Variants in DOCK1 observed in about 807,000 individuals in gnomAD.
The protein encoded by DOCK1 is dedicator of cytokinesis protein 1.
Under a neutral mutation model 262.7 loss-of-function variants are expected in DOCK1, and 138 were observed. That is an observed-to-expected ratio of 0.53 (90% CI 0.46 to 0.61). The LOEUF is 0.61. DOCK1 is among the 20% of genes least tolerant of loss of function. The probability of loss-of-function intolerance (pLI) is 0.00; values close to 1 mark genes in which losing one functional copy is unlikely to be tolerated. For synonymous variants in DOCK1, 866 were observed against 867.4 expected, an observed-to-expected ratio of 1.00 and a Z score of 0.03; for missense variants, 1,908 against 2,370.7, an observed-to-expected ratio of 0.80 and a Z score of 4.05.
rs112421700 is a variant in DOCK1 at position 127,009,438 on chromosome 10, G to A, written c.1058+634G>A. On this transcript the variant is annotated intron_variant, in intron 11 of 51. Transcript: ENST00000623213. The stretch of plus-strand genomic sequence containing the variant: ...CAGGGAACTGGTGGGAAGAACTGGC[G>A]TTTATTTCCCTCGTGTGGAAGCAAG... 9.6e-4 allele frequency among the ~76,000 whole-genome samples: 146 copies of A among 152,236 alleles called. 2 individuals are homozygous for A. The highest frequency in any genetic ancestry group is 3.4e-3 in the Middle Eastern group (1 of 294).
chr10:127,356,550 TG>T (rs2064153395), intron 32 of DOCK1, among the ~76,000 whole-genome samples: 1 of 152,166 alleles, frequency 6.6e-6, no homozygotes, highest in African/African-American at 2.4e-5. Context: ...ATCTGTCATT[TG>T]CTCTGTTAGG....
chr10:127,139,193 A>G (rs768697852), intron 27 of DOCK1, among the ~76,000 whole-genome samples: 5 of 152,176 alleles, frequency 3.3e-5, no homozygotes, highest in Non-Finnish European at 7.3e-5. Context: ...ACCGTAAACC[A>G]TTTATAAACA....
At chr10:127,153,548 C>G (rs1268357764) in intron 27 of DOCK1, among the ~76,000 whole-genome samples, 4 of 152,294 alleles carry the variant, frequency 2.6e-5, no homozygotes, top group Middle Eastern at 3.4e-3. Flanking sequence ...ACAGCCTTTC[C>G]AGAACACAGA....
chr10:127,433,151 A>G (rs1461086600), intron 47 of DOCK1, 132 bp from the exon 48 acceptor site: 1 of 1,270,436 alleles, frequency 7.9e-7, no homozygotes. Context: ...GAACAAGAAC[A>G]TGTACTGTTT....
chr10:126,937,409 G>A (rs1371108340), intron 1 of DOCK1, among the ~76,000 whole-genome samples: 1 of 151,646 alleles, frequency 6.6e-6, no homozygotes, highest in Non-Finnish European at 1.5e-5. Context: ...AGGGACTGCT[G>A]TACTGTTTTC....
intron 27 of DOCK1, among the ~76,000 whole-genome samples, chr10:127,200,251 T>G (rs1270181127): frequency 6.6e-6 from 1 of 152,186 alleles, no homozygotes; most frequent in Non-Finnish European, 1.5e-5. Context: ...AAAGAACAGC[T>G]ACTCCATAGA....
At chr10:127,254,920 A>G (rs891688211) in intron 28 of DOCK1, among the ~76,000 whole-genome samples, 1 of 152,166 alleles carries the variant, frequency 6.6e-6, no homozygotes, top group Non-Finnish European at 1.5e-5. Context: ...GGATGGACCT[A>G]AGTTGATGGA....
intron 13 of DOCK1, among the ~76,000 whole-genome samples, chr10:127,022,237 T>C (rs1418489153): frequency 7.2e-5 from 11 of 152,150 alleles, no homozygotes; most frequent in Admixed American, 5.9e-4. Flanking sequence ...GATAGCTGCC[T>C]GCCAGAAGGG....
At chr10:127,020,470 G>C (rs1365420734) in intron 13 of DOCK1, among the ~76,000 whole-genome samples, 5 of 151,946 alleles carry the variant, frequency 3.3e-5, no homozygotes, top group Non-Finnish European at 7.4e-5. Context: ...GGGAGGCTGA[G>C]GTGGGAGGAT....
At chr10:126,913,397 A>G (rs1214423832) in intron 1 of DOCK1, among the ~76,000 whole-genome samples, 6 of 152,164 alleles carry the variant, frequency 3.9e-5, no homozygotes, top group Admixed American at 3.9e-4. Flanking sequence ...GGTGTCACAC[A>G]CTTGGTGACC....
intron 23 of DOCK1, among the ~76,000 whole-genome samples, chr10:127,066,588 A>G (rs899864210): frequency 6.6e-6 from 1 of 152,148 alleles, no homozygotes; most frequent in Non-Finnish European, 1.5e-5. Context: ...GTGGAGACCC[A>G]AGTAGAACCA....
chr10:127,377,743 T>C (rs1301373359), intron 35 of DOCK1, among the ~76,000 whole-genome samples: 2 of 151,852 alleles, frequency 1.3e-5, no homozygotes, highest in Non-Finnish European at 2.9e-5. Flanking sequence ...AATACAAAAA[T>C]TAGCTGGGCA....
intron 1 of DOCK1, among the ~76,000 whole-genome samples, chr10:126,911,167 G>A (rs1450259367): frequency 6.6e-6 from 1 of 152,158 alleles, no homozygotes; most frequent in Non-Finnish European, 1.5e-5. Flanking sequence ...CACCAGCAGT[G>A]TATATGTGAT....
chr10:126,982,979 A>G (rs541279800), intron 4 of DOCK1, among the ~76,000 whole-genome samples: 1 of 152,330 alleles, frequency 6.6e-6, no homozygotes, highest in South Asian at 2.1e-4. Context: ...AAAAGAATAT[A>G]TGTAAAATGT....
At chr10:127,238,678 G>A (rs1327225633) in intron 27 of DOCK1, among the ~76,000 whole-genome samples, 4 of 152,018 alleles carry the variant, frequency 2.6e-5, no homozygotes, top group South Asian at 2.1e-4. Flanking sequence ...ACGTGGCCAG[G>A]GGAGCCTCCC....
intron 27 of DOCK1, among the ~76,000 whole-genome samples, chr10:127,231,294 T>C (rs560398316): frequency 1.8e-4 from 27 of 152,178 alleles, no homozygotes; most frequent in African/African-American, 6.5e-4. Context: ...CACCACAAAG[T>C]TATTTTGAAA....
At chr10:127,420,156 C>T (rs545040037) in intron 46 of DOCK1, among the ~76,000 whole-genome samples, 16 of 152,226 alleles carry the variant, frequency 1.1e-4, no homozygotes, top group Non-Finnish European at 2.1e-4. Context: ...AGCTGCAGTG[C>T]ACCCTCTCCC....
At chr10:127,068,151 T>A (rs2045984126) in intron 23 of DOCK1, among the ~76,000 whole-genome samples, 1 of 152,202 alleles carries the variant, frequency 6.6e-6, no homozygotes, top group Non-Finnish European at 1.5e-5. Flanking sequence ...TTTGATTCCC[T>A]TAAAAATAAT....
chr10:127,084,838 G>A (rs536605340), intron 23 of DOCK1, among the ~76,000 whole-genome samples: 43 of 152,288 alleles, frequency 2.8e-4, no homozygotes, highest in Non-Finnish European at 2.8e-4. Flanking sequence ...CTGTGAAAGG[G>A]GGTTAATCTG....
Sources: allele counts gnomAD v4.1 joint callset (sites outside exome capture counted in the v4.1 genomes callset), GRCh38; gene constraint gnomAD v4.1.1; transcripts MANE v1.5; gene names NCBI Gene and HGNC (gene_info 2026-07-23, HGNC 2026-07-21).